CTIF: variants seen among roughly 807,000 people sequenced by gnomAD.
CTIF encodes the protein CBP80/20-dependent translation initiation factor.
A neutral mutation model predicts 66.0 loss-of-function variants in CTIF; 21 were observed. The ratio of observed to expected loss-of-function variants is 0.32; its 90% CI spans 0.23 to 0.46. The LOEUF (loss-of-function observed/expected upper bound fraction) is 0.46, where lower values mean the gene tolerates loss of function less well. Among genes scored for constraint, CTIF ranks in the 20% least tolerant of loss-of-function variants. CTIF has a pLI of 1.00. For synonymous variants in CTIF, 345 were observed against 326.4 expected (o/e 1.06, Z -0.62); for missense variants, 739 against 812.7 (o/e 0.91, Z 1.10).
intron 9 of CTIF, among the ~76,000 whole-genome samples, chr18:48,766,597 A>G (rs1173994979): frequency 6.6e-6 from 1 of 152,226 alleles, no homozygotes; most frequent in Non-Finnish European, 1.5e-5. Context: ...AGGGTGGAAC[A>G]CCACTGTTGA....
intron 5 of CTIF, among the ~76,000 whole-genome samples, chr18:48,670,155 T>C (rs998814272): frequency 1.3e-5 from 2 of 151,950 alleles, no homozygotes; most frequent in Admixed American, 1.3e-4. Flanking sequence ...GGGGCCAGCC[T>C]CTCTGGCCCG....
At chr18:48,722,229 T>G (rs79185279) in intron 7 of CTIF, among the ~76,000 whole-genome samples, 5 of 130,476 alleles carry the variant, frequency 3.8e-5, no homozygotes, top group Admixed American at 7.4e-5. Flanking sequence ...TTTTTTTTTT[T>G]TGTGAGACAG....
chr18:48,554,250 C>T (rs1225711584), intron 1 of CTIF, among the ~76,000 whole-genome samples: 1 of 152,188 alleles, frequency 6.6e-6, no homozygotes, highest in Non-Finnish European at 1.5e-5. Context: ...GCAAGAGAAA[C>T]CAGTGACTTG....
intron 1 of CTIF, among the ~76,000 whole-genome samples, chr18:48,573,495 G>A (rs1464363617): frequency 6.6e-6 from 1 of 152,220 alleles, no homozygotes; most frequent in Non-Finnish European, 1.5e-5. Context: ...TGTACAGTGT[G>A]TACATTTTAA....
At chr18:48,757,540 C>T (rs76051597) in intron 7 of CTIF, among the ~76,000 whole-genome samples, 6 of 152,322 alleles carry the variant, frequency 3.9e-5, no homozygotes, top group South Asian at 2.1e-4. Flanking sequence ...GATTCACACA[C>T]GTGGAACGGC....
Position 48,859,393 on chromosome 18 carries a change from C to T in CTIF, c.1631C>T (p.Thr544Ile), listed in dbSNP as rs2069406183. Residue 544 changes from threonine to isoleucine, a missense_variant, in exon 12 of 12, where the codon ACA (threonine) becomes ATA (isoleucine). By Grantham distance (89) the Thr-to-Ile change is moderately conservative. Coordinates refer to ENST00000256413, the MANE Select transcript of CTIF (RefSeq NM_014772.3). The stretch of plus-strand genomic sequence containing the variant: ...GAGGAACAGCTGCCTGAGATGATGA[C>T]AGAGCTCCTGGCCAGCGCACGGGAC... ...LLEEQLPEMM[T>I]ELLASARDKM... 2 of 1,614,014 alleles carry T rather than the reference C, an allele frequency of 1.2e-6. No individual in the cohort carries two copies. The highest frequency in any genetic ancestry group is 2.2e-5 in the East Asian group (1 of 44,896).
intron 7 of CTIF, among the ~76,000 whole-genome samples, chr18:48,724,288 T>C (rs1365960179): frequency 6.6e-6 from 1 of 152,152 alleles, no homozygotes; most frequent in African/African-American, 2.4e-5. Context: ...AAATAGGCCT[T>C]TGGAATCCTC....
intron 10 of CTIF, among the ~76,000 whole-genome samples, chr18:48,847,636 C>A (rs577944786): frequency 6.6e-5 from 10 of 152,308 alleles, no homozygotes; most frequent in South Asian, 2.1e-4. Context: ...AACATCATAA[C>A]AATAATAACA....
intron 1 of CTIF, among the ~76,000 whole-genome samples, chr18:48,575,957 C>T (rs1437410540): frequency 1.3e-5 from 2 of 152,266 alleles, no homozygotes; most frequent in Middle Eastern, 3.2e-3. Context: ...CAACCACAAA[C>T]ATTTGTGGAG....
intron 1 of CTIF, among the ~76,000 whole-genome samples, chr18:48,604,926 G>T (rs548568179): frequency 1.3e-5 from 2 of 152,232 alleles, no homozygotes; most frequent in African/African-American, 4.8e-5. Flanking sequence ...TATTTTCAAG[G>T]TTCATCCATG....
chr18:48,621,323 A>G (rs559361707), intron 2 of CTIF: 95 of 160,788 alleles, frequency 5.9e-4, no homozygotes, highest in Non-Finnish European at 7.8e-4. Flanking sequence ...TCCGGATAGG[A>G]ACATCTGGGC....
At chr18:48,673,046 CCT>C (rs543139785) in intron 6 of CTIF, among the ~76,000 whole-genome samples, 5 of 152,150 alleles carry the variant, frequency 3.3e-5, no homozygotes, top group Non-Finnish European at 7.4e-5. Flanking sequence ...TCCCCTGATC[CCT>C]CTCAGATGCA....
intron 5 of CTIF, 112 bp from the exon 6 acceptor site, chr18:48,670,557 G>A: frequency 1.1e-6 from 1 of 928,192 alleles, no homozygotes; most frequent in South Asian, 1.4e-5. Context: ...CAGGGCTTGA[G>A]GGTGGGCAGC....
intron 10 of CTIF, among the ~76,000 whole-genome samples, chr18:48,846,046 T>G (rs2069064542): frequency 6.6e-6 from 1 of 152,262 alleles, no homozygotes; most frequent in Non-Finnish European, 1.5e-5. Context: ...GGTATTACTA[T>G]GCTACTCTCC....
intron 10 of CTIF, among the ~76,000 whole-genome samples, chr18:48,828,425 A>T (rs2068626074): frequency 2.0e-5 from 3 of 152,194 alleles, no homozygotes; most frequent in South Asian, 2.1e-4. Flanking sequence ...CCTAATAAAC[A>T]TCAACTATTT....
intron 7 of CTIF, among the ~76,000 whole-genome samples, chr18:48,741,954 C>T (rs1410393970): frequency 6.6e-6 from 1 of 152,182 alleles, no homozygotes; most frequent in African/African-American, 2.4e-5. Context: ...TCAGAAACCA[C>T]TTACCAGGGC....
chr18:48,789,050 G>T (rs200640864), intron 9 of CTIF, among the ~76,000 whole-genome samples: 3 of 152,132 alleles, frequency 2.0e-5, no homozygotes, highest in African/African-American at 7.2e-5. Flanking sequence ...GTGTGTGCAC[G>T]TAGGTCCCTC....
intron 6 of CTIF, among the ~76,000 whole-genome samples, chr18:48,677,922 C>T (rs143468979): frequency 1.3e-5 from 2 of 152,320 alleles, no homozygotes; most frequent in African/African-American, 2.4e-5. Context: ...CATATACTAT[C>T]TCTGAAGTCT....
At chr18:48,619,992 C>G (rs973758549) in intron 2 of CTIF, among the ~76,000 whole-genome samples, 3 of 152,224 alleles carry the variant, frequency 2.0e-5, no homozygotes, top group African/African-American at 7.2e-5. Flanking sequence ...GAGGCCCAGC[C>G]AGGCCCACAT....
Sources: gnomAD v4.1 joint callset for allele counts (sites outside exome capture counted in the v4.1 genomes callset) on GRCh38, gnomAD v4.1.1 for gene constraint, MANE v1.5 for transcripts, NCBI Gene and HGNC (gene_info 2026-07-23, HGNC 2026-07-21) for gene names.